UNC5C: variants seen among roughly 807,000 people sequenced by gnomAD.
UNC5C encodes unc-5 netrin receptor C, also known as netrin receptor UNC5C.
UNC5C carries 47 observed loss-of-function variants against 99.8 expected under a neutral mutation model. The observed-to-expected ratio is 0.47, with a 90% CI of 0.37 to 0.60. UNC5C has a LOEUF of 0.60. Among genes scored for constraint, UNC5C ranks in the 20% least tolerant of loss-of-function variants. The pLI is 0.00. For synonymous variants in UNC5C, 487 were observed against 452.2 expected (o/e 1.08, Z -0.98); for missense variants, 1,062 against 1,165.9 (o/e 0.91, Z 1.30).
intron 2 of UNC5C, among the ~76,000 whole-genome samples, chr4:95,324,700 G>A (rs888436695): frequency 3.3e-5 from 5 of 152,136 alleles, no homozygotes; most frequent in African/African-American, 1.2e-4. Context: ...GGGGGCAATT[G>A]TCATGAAGAA....
Position 95,216,167 on chromosome 4 carries a change from C to G in UNC5C, c.1690G>C (p.Val564Leu). ...TGTACAGTCACATACATTTCGTAGA[C>G]TCTCCCTTGGGGAATGGCCCCAGCG... ...IPAGAIPQGR[V>L]YEMYVTVHRK... The change falls in exon 10 of 16, where the codon GTC becomes CTC. Residue 564 changes from valine (V) to leucine (L), a missense_variant. Transcript: ENST00000453304. 1.2e-6 allele frequency: 2 copies of G among 1,613,794 alleles called. No individual in the cohort carries two copies. Among genetic ancestry groups the G allele is most frequent in the East Asian group, 4.5e-5 (2 of 44,858 alleles).
At chr4:95,431,913 G>A (rs969380757) in intron 1 of UNC5C, among the ~76,000 whole-genome samples, 1 of 152,112 alleles carries the variant, frequency 6.6e-6, no homozygotes, top group African/African-American at 2.4e-5. Context: ...CCACAGGCAT[G>A]ATTTCTGAAC....
intron 4 of UNC5C, among the ~76,000 whole-genome samples, chr4:95,275,624 C>T (rs1740834038): frequency 1.3e-5 from 2 of 152,090 alleles, no homozygotes; most frequent in African/African-American, 4.8e-5. Flanking sequence ...AATATTATTA[C>T]CTTAGAAATG....
rs202087388 is a variant in UNC5C at position 95,220,035 on chromosome 4, G to A, written c.1250C>T (p.Ser417Leu). The A allele has an allele frequency of 5.6e-5, 90 of 1,613,936 alleles. No individual in the cohort carries two copies. Among genetic ancestry groups the A allele is most frequent in the Non-Finnish European group, 6.9e-5 (82 of 1,179,984 alleles). The change falls in exon 8 of 16, where the codon TCG becomes TTG. Residue 417 changes from serine (S) to leucine (L), a missense_variant. This residue lies in a region of UNC5C where 810 missense variants were observed against 854.5 expected (regional missense o/e 0.95). Coordinates refer to ENST00000453304, the MANE Select transcript of UNC5C (RefSeq NM_003728.4). ...RDFESDIIDS[S>L]ALNGGFQPVN... ...AGGCTGAAAGCCCCCATTGAGTGCC[G>A]AAGAGTCAATAATATCTGACTCAAA...
intron 2 of UNC5C, among the ~76,000 whole-genome samples, chr4:95,328,661 A>G (rs1226411310): frequency 6.9e-6 from 1 of 144,104 alleles, no homozygotes; most frequent in Admixed American, 7.2e-5. Flanking sequence ...ACAATGGTTG[A>G]ACTAGTTGAC....
chr4:95,485,112 A>G (rs1290873713), intron 1 of UNC5C, among the ~76,000 whole-genome samples: 1 of 151,792 alleles, frequency 6.6e-6, no homozygotes, highest in East Asian at 1.9e-4. Context: ...TAGTAATGTA[A>G]TATCTTTTGA....
At chr4:95,215,714 G>A (rs1018254867) in intron 10 of UNC5C, among the ~76,000 whole-genome samples, 1 of 152,106 alleles carries the variant, frequency 6.6e-6, no homozygotes, top group Non-Finnish European at 1.5e-5. Flanking sequence ...GAGTGGGAGC[G>A]GTAGGGATTG....
chr4:95,349,237 C>G (rs1184423743), intron 1 of UNC5C, among the ~76,000 whole-genome samples: 1 of 149,490 alleles, frequency 6.7e-6, no homozygotes, highest in Non-Finnish European at 1.5e-5. Context: ...CTCACGTACC[C>G]CATAACTGTA....
chr4:95,487,382 T>C (rs574688987), intron 1 of UNC5C, among the ~76,000 whole-genome samples: 1 of 151,804 alleles, frequency 6.6e-6, no homozygotes, highest in Admixed American at 6.6e-5. Flanking sequence ...TAAATATTTA[T>C]GCCCAGTTGA....
intron 1 of UNC5C, among the ~76,000 whole-genome samples, chr4:95,496,029 C>G (rs1721622476): frequency 6.6e-6 from 1 of 151,626 alleles, no homozygotes; most frequent in Non-Finnish European, 1.5e-5. Context: ...CTACATGGCA[C>G]ATAGAAACAT....
chr4:95,230,421 T>G (rs983472063), intron 7 of UNC5C, among the ~76,000 whole-genome samples: 38 of 152,176 alleles, frequency 2.5e-4, no homozygotes, highest in African/African-American at 7.2e-4. Context: ...TAGTTTCTTT[T>G]GCTGTGCAGA....
chr4:95,272,134 T>C (rs1740687863), intron 4 of UNC5C, among the ~76,000 whole-genome samples: 1 of 152,362 alleles, frequency 6.6e-6, no homozygotes, highest in South Asian at 2.1e-4. Context: ...CCTTGTGTAA[T>C]TTCCTTTAAC....
At chr4:95,271,216 G>C (rs779516133) in intron 4 of UNC5C, among the ~76,000 whole-genome samples, 3 of 145,414 alleles carry the variant, frequency 2.1e-5, no homozygotes, top group Non-Finnish European at 3.0e-5. Flanking sequence ...ACACAGCTGA[G>C]GTTTATTTTT....
chr4:95,301,626 T>C lies in UNC5C; in HGVS notation c.470A>G (p.Lys157Arg), dbSNP rs757160274. The change falls in exon 3 of 16, where the codon AAG becomes AGG. Residue 157 changes from lysine (K) to arginine (R), a missense_variant. Lys to Arg is a conservative substitution (Grantham distance 26). Around this residue, in one of 3 missense-constraint regions of UNC5C, gnomAD observed 249 missense variants for 295.1 expected, o/e 0.84. Transcript: ENST00000453304. ...CTCACATGCAATGCGCACATACGCC[T>C]TCCGGCTCTTTGTGGTACCCGCGGA... ...WSSAGTTKSRKAYVRIAYLRK... is the reference protein window; with the variant it reads ...WSSAGTTKSRRAYVRIAYLRK... 2 of 1,614,080 alleles carry C rather than the reference T, an allele frequency of 1.2e-6. No homozygotes were observed. The highest frequency in any genetic ancestry group is 2.2e-5 in the East Asian group (1 of 44,870).
chr4:95,460,814 G>T (rs1747578494), intron 1 of UNC5C, among the ~76,000 whole-genome samples: 1 of 152,122 alleles, frequency 6.6e-6, no homozygotes, highest in Admixed American at 6.6e-5. Flanking sequence ...ATAACCATGG[G>T]AGTGATACTT....
At chr4:95,340,885 T>C (rs1743544489) in intron 1 of UNC5C, among the ~76,000 whole-genome samples, 1 of 152,140 alleles carries the variant, frequency 6.6e-6, no homozygotes, top group African/African-American at 2.4e-5. Context: ...AGTGTATTCT[T>C]AGAAGACATT....
chr4:95,250,321 G>A (rs1229841207), intron 5 of UNC5C, among the ~76,000 whole-genome samples, 166 bp downstream of exon 5: 5 of 152,046 alleles, frequency 3.3e-5, no homozygotes. Flanking sequence ...GGAGGTTGAG[G>A]CTAGAGTGAG....
Position 95,335,503 on chromosome 4 carries a change from C to A in UNC5C, c.253G>T (p.Ala85Ser). The A allele has an allele frequency of 1.2e-6, 2 of 1,612,426 alleles. No homozygotes were observed. Among genetic ancestry groups the A allele is most frequent in the South Asian group, 2.2e-5 (2 of 91,020 alleles). ...KNKPVNLYCK[A>S]SPATQIYFKC... ...AAATAGATCTGGGTGGCAGGGCTTG[C>A]TTTACAGTACAGGTTCACGGGCTTA... Residue 85 changes from alanine (A) to serine (S), a missense_variant, in exon 2 of 16, where the codon GCA (alanine) becomes TCA (serine). Physicochemically the swap from Ala to Ser is moderately conservative, Grantham distance 99. Coordinates refer to ENST00000453304, the MANE Select transcript of UNC5C (RefSeq NM_003728.4).
intron 3 of UNC5C, among the ~76,000 whole-genome samples, chr4:95,298,178 G>A (rs920269786): frequency 3.3e-5 from 5 of 152,122 alleles, no homozygotes; most frequent in African/African-American, 1.2e-4. Flanking sequence ...TGGTCATGGC[G>A]GCACATGCCT....
Sources: gnomAD v4.1 joint callset for allele counts (sites outside exome capture counted in the v4.1 genomes callset) on GRCh38, gnomAD v4.1.1 for gene constraint, gnomAD v4.1.1 regional missense constraint, MANE v1.5 for transcripts, NCBI Gene and HGNC (gene_info 2026-07-23, HGNC 2026-07-21) for gene names.